The following PLCL1 variants were observed in gnomAD, a reference collection of about 807,000 sequenced individuals.
PLCL1 encodes phospholipase C like 1 (inactive).
PLCL1 carries 41 observed loss-of-function variants against 84.4 expected under a neutral mutation model. The observed-to-expected ratio is 0.49, with a 90% confidence interval of 0.38 to 0.63. The LOEUF (loss-of-function observed/expected upper bound fraction) is 0.63. PLCL1 is among the 30% of genes least tolerant of loss of function. The pLI is 0.00. For synonymous variants in PLCL1, 490 were observed against 488.3 expected, an observed-to-expected ratio of 1.00 and a Z score of -0.05; for missense variants, 1,206 against 1,367.8, an observed-to-expected ratio of 0.88 and a Z score of 1.87.
intron 1 of PLCL1, among the ~76,000 whole-genome samples, chr2:197,955,310 G>T (rs1318477095): frequency 6.6e-6 from 1 of 151,954 alleles, no homozygotes; most frequent in Non-Finnish European, 1.5e-5. Context: ...TTGCAGTGAT[G>T]GTCCTTGACA....
chr2:198,121,917 G>A (rs144508097), intron 5 of PLCL1, among the ~76,000 whole-genome samples: 4 of 151,864 alleles, frequency 2.6e-5, no homozygotes, highest in African/African-American at 4.8e-5. Flanking sequence ...CAGGCAACTG[G>A]TGACTGTTCT....
chr2:198,065,037 A>G (rs571091925), intron 1 of PLCL1, among the ~76,000 whole-genome samples: 50 of 152,284 alleles, frequency 3.3e-4, no homozygotes, highest in South Asian at 1.0e-3. Flanking sequence ...CAAATACACA[A>G]ACCTACATTC....
At chr2:198,003,379 T>C (rs961247473) in intron 1 of PLCL1, among the ~76,000 whole-genome samples, 1 of 152,212 alleles carries the variant, frequency 6.6e-6, no homozygotes, top group African/African-American at 2.4e-5. Context: ...TCTGCACTTA[T>C]GAGCATATTA....
intron 1 of PLCL1, among the ~76,000 whole-genome samples, chr2:197,871,352 A>G (rs1432014569): frequency 2.0e-5 from 3 of 151,994 alleles, no homozygotes; most frequent in Non-Finnish European, 4.4e-5. Flanking sequence ...GGGAAGGGGC[A>G]GTGTGGCCCT....
At chr2:197,829,051 A>G (rs1307979154) in intron 1 of PLCL1, among the ~76,000 whole-genome samples, 2 of 152,224 alleles carry the variant, frequency 1.3e-5, no homozygotes, top group East Asian at 3.8e-4. Context: ...ACAAAATGCA[A>G]GGCATGCAGT....
intron 1 of PLCL1, among the ~76,000 whole-genome samples, chr2:197,848,247 T>C (rs1182782525): frequency 6.6e-6 from 1 of 152,116 alleles, no homozygotes; most frequent in Non-Finnish European, 1.5e-5. Context: ...AGGTGAGTGG[T>C]TGGCACTCAT....
chr2:197,876,204 G>A (rs1228537856), intron 1 of PLCL1, among the ~76,000 whole-genome samples: 1 of 152,162 alleles, frequency 6.6e-6, no homozygotes, highest in Non-Finnish European at 1.5e-5. Flanking sequence ...TGCAGGAGAT[G>A]GAGCTAGGAA....
At chr2:197,946,165 G>A (rs1689266916) in intron 1 of PLCL1, among the ~76,000 whole-genome samples, 1 of 152,132 alleles carries the variant, frequency 6.6e-6, no homozygotes, top group African/African-American at 2.4e-5. Flanking sequence ...AAGTATTGGT[G>A]GGATATACGA....
chr2:197,966,323 C>CT (rs1689732750), intron 1 of PLCL1, among the ~76,000 whole-genome samples: 1 of 152,116 alleles, frequency 6.6e-6, no homozygotes, highest in Non-Finnish European at 1.5e-5. Context: ...AGCACCAGGA[C>CT]TTTCCCAAGA....
At chr2:197,825,959 C>T (rs2106421613) in intron 1 of PLCL1, among the ~76,000 whole-genome samples, 1 of 152,256 alleles carries the variant, frequency 6.6e-6, no homozygotes, top group African/African-American at 2.4e-5. Context: ...TCTAGCAGTT[C>T]CTCTAATAAA....
chr2:198,143,999 C>T (rs16827918), intron 5 of PLCL1, among the ~76,000 whole-genome samples: 15,380 of 151,920 alleles, frequency 0.1, 1,919 homozygotes, highest in African/African-American at 0.3. Context: ...CAAACTGTTT[C>T]CTCCCATTGG....
intron 1 of PLCL1, among the ~76,000 whole-genome samples, chr2:198,048,939 C>T (rs1177329762): frequency 6.6e-6 from 1 of 152,174 alleles, no homozygotes; most frequent in African/African-American, 2.4e-5. Context: ...AGAAGAAGAA[C>T]TTGGGCAAAG....
At chr2:197,897,379 G>A (rs1156429423) in intron 1 of PLCL1, among the ~76,000 whole-genome samples, 7 of 151,938 alleles carry the variant, frequency 4.6e-5, no homozygotes, top group Admixed American at 4.6e-4. Flanking sequence ...GACAATGGAG[G>A]CAATATAGAG....
At chr2:198,081,024 T>C (rs1692699603) in intron 1 of PLCL1, among the ~76,000 whole-genome samples, 1 of 152,198 alleles carries the variant, frequency 6.6e-6, no homozygotes, top group African/African-American at 2.4e-5. Flanking sequence ...AGAAAGCTAT[T>C]CTGACATGAG....
At chr2:197,891,332 G>C (rs1688022385) in intron 1 of PLCL1, among the ~76,000 whole-genome samples, 1 of 152,176 alleles carries the variant, frequency 6.6e-6, no homozygotes, top group Non-Finnish European at 1.5e-5. Context: ...TAAAGCATAA[G>C]CAGTTGTTTC....
At chr2:198,076,889 C>T (rs1487117259) in intron 1 of PLCL1, among the ~76,000 whole-genome samples, 1 of 152,180 alleles carries the variant, frequency 6.6e-6, no homozygotes, top group Non-Finnish European at 1.5e-5. Flanking sequence ...ACTGTTAGGC[C>T]TTGTGTATGG....
chr2:197,860,342 G>A (rs1378400283), intron 1 of PLCL1, among the ~76,000 whole-genome samples: 2 of 152,082 alleles, frequency 1.3e-5, no homozygotes, highest in African/African-American at 2.4e-5. Context: ...GAACACATGT[G>A]TGCATGTGTC....
intron 1 of PLCL1, among the ~76,000 whole-genome samples, chr2:197,918,209 T>C (rs771476379): frequency 1.3e-5 from 2 of 152,112 alleles, no homozygotes; most frequent in Non-Finnish European, 2.9e-5. Context: ...GAGAAAAACA[T>C]CAGATAAATC....
intron 1 of PLCL1, among the ~76,000 whole-genome samples, chr2:197,928,851 T>C (rs187420252): frequency 6.6e-6 from 1 of 152,258 alleles, no homozygotes; most frequent in African/African-American, 2.4e-5. Context: ...TGTATACAAC[T>C]CAGTACAACA....
Sources: gnomAD v4.1 joint callset for allele counts (sites outside exome capture counted in the v4.1 genomes callset) on GRCh38, gnomAD v4.1.1 for gene constraint, MANE v1.5 for transcripts, NCBI Gene and HGNC (gene_info 2026-07-23, HGNC 2026-07-21) for gene names.